TENM2: variants seen among roughly 807,000 people sequenced by gnomAD.
TENM2 encodes teneurin transmembrane protein 2.
In TENM2, 52 loss-of-function variants were observed where a neutral mutation model predicts 245.2. That is an observed-to-expected ratio of 0.21 (90% CI 0.17 to 0.27). The LOEUF is 0.27. TENM2 is among the 10% of genes least tolerant of loss of function. The probability of loss-of-function intolerance (pLI) is 1.00; values close to 1 mark genes in which losing one functional copy is unlikely to be tolerated. For synonymous variants in TENM2, 1,363 were observed against 1,438.9 expected (o/e 0.95, Z 1.19); for missense variants, 3,046 against 3,666.8 (o/e 0.83, Z 4.37).
the TENM2 span, chr5:167,116,826 A>T: frequency 2.0e-5 from 3 of 152,162 alleles, no homozygotes; most frequent in Non-Finnish European, 4.4e-5. Context: ...ACTTTATTGT[A>T]TTGTAATTAA....
chr5:168,067,385 G>A lies in TENM2; in HGVS notation c.1515+5120G>A, dbSNP rs140575651. Among the ~76,000 whole-genome samples the A allele has an allele frequency of 2.9e-3, 441 of 152,216 alleles. 4 individuals carry two copies. Among genetic ancestry groups the A allele is most frequent in the Non-Finnish European group, 3.7e-3 (253 of 68,008 alleles). On this transcript the variant is annotated intron_variant, in intron 7 of 28. Coordinates refer to ENST00000518659, the Ensembl canonical transcript of TENM2. ...GGAACAGTTTAAGAGACCACAAATT[G>A]TCCCATGATCATACCAAATAAATGC... is the stretch of plus-strand genomic sequence containing the variant.
chr5:166,995,190 A>T, the TENM2 span, among the ~76,000 whole-genome samples: 1 of 152,168 alleles, frequency 6.6e-6, no homozygotes, highest in African/African-American at 2.4e-5. Context: ...ATAGAAAAAA[A>T]TGTACCATGT....
chr5:168,253,627 G>T (rs369196691), intron 27 of TENM2, among the ~76,000 whole-genome samples: 206 of 151,838 alleles, frequency 1.4e-3, no homozygotes, highest in African/African-American at 4.9e-3. Flanking sequence ...GGGTTTCACC[G>T]TGTTAGCCAG....
intron 13 of TENM2, chr5:168,186,914 CGAT>C (rs1207021616): frequency 1.3e-5 from 2 of 152,096 alleles, no homozygotes. Flanking sequence ...CATAAAGACG[CGAT>C]TCTCATGACT....
the TENM2 span, among the ~76,000 whole-genome samples, chr5:167,244,537 A>C: frequency 1.3e-5 from 2 of 152,212 alleles, no homozygotes; most frequent in Non-Finnish European, 2.9e-5. Context: ...CTGAAGCAGC[A>C]GGAATATTGT....
At chr5:168,252,842 A>G (rs1192689218) in intron 27 of TENM2, among the ~76,000 whole-genome samples, 1 of 151,400 alleles carries the variant, frequency 6.6e-6, no homozygotes, top group African/African-American at 2.4e-5. Flanking sequence ...AGCGAAACTC[A>G]GTCTCAAAAA....
intron 1 of TENM2, among the ~76,000 whole-genome samples, chr5:167,316,614 TACAC>T (rs1581728414): frequency 1.3e-5 from 2 of 152,186 alleles, no homozygotes; most frequent in African/African-American, 4.8e-5. Context: ...TACAAATATA[TACAC>T]ACACATATCC....
the TENM2 span, among the ~76,000 whole-genome samples, chr5:167,129,843 G>C: frequency 6.6e-6 from 1 of 152,086 alleles, no homozygotes; most frequent in African/African-American, 2.4e-5. Context: ...CCAAAGAGTG[G>C]GATTAGGCTT....
At chr5:167,900,133 AGG>A (rs70976451) in intron 3 of TENM2, among the ~76,000 whole-genome samples, 4,954 of 100,390 alleles carry the variant, frequency 0.049, 479 homozygotes, top group African/African-American at 0.15. Flanking sequence ...AAAAAAAAAA[AGG>A]GGGGGGGGGT....
chr5:167,286,964 T>G (rs1001590607), intron 1 of TENM2, among the ~76,000 whole-genome samples: 1 of 152,252 alleles, frequency 6.6e-6, no homozygotes, highest in Non-Finnish European at 1.5e-5. Context: ...AATTAACAAT[T>G]CACACATGCC....
At chr5:167,230,594 G>T in the TENM2 span, among the ~76,000 whole-genome samples, 3 of 152,042 alleles carry the variant, frequency 2.0e-5, no homozygotes, top group African/African-American at 4.8e-5. Context: ...ATCATCAGTA[G>T]ATACATTTTA....
At chr5:168,204,096 G>A (rs1207732783) in intron 18 of TENM2, among the ~76,000 whole-genome samples, 2 of 151,666 alleles carry the variant, frequency 1.3e-5, no homozygotes, top group Non-Finnish European at 2.9e-5. Flanking sequence ...CTGCAACCTC[G>A]ACTTCCCGGG....
intron 3 of TENM2, among the ~76,000 whole-genome samples, chr5:167,942,320 A>G (rs956576798): frequency 2.6e-5 from 4 of 152,210 alleles, no homozygotes; most frequent in African/African-American, 7.2e-5. Flanking sequence ...TAAACGTAGT[A>G]TCTCATTTAA....
chr5:168,138,329 A>C (rs1302318530), intron 12 of TENM2, among the ~76,000 whole-genome samples: 3 of 152,252 alleles, frequency 2.0e-5, no homozygotes, highest in Non-Finnish European at 4.4e-5. Context: ...TCACTGATGG[A>C]GAGCACTTAA....
chr5:168,173,499 CT>C (rs1249415839), intron 13 of TENM2, among the ~76,000 whole-genome samples: 2 of 152,130 alleles, frequency 1.3e-5, no homozygotes, highest in African/African-American at 4.8e-5. Context: ...CTTTCGCCCC[CT>C]CAGCCCCTCA....
At chr5:167,144,204 C>T in the TENM2 span, among the ~76,000 whole-genome samples, 2 of 151,892 alleles carry the variant, frequency 1.3e-5, no homozygotes, top group South Asian at 4.2e-4. Context: ...GTGGTGGGAG[C>T]GGTTCGCATT....
At chr5:168,033,852 C>T (rs1043526057) in intron 5 of TENM2, among the ~76,000 whole-genome samples, 1 of 151,734 alleles carries the variant, frequency 6.6e-6, no homozygotes, top group East Asian at 1.9e-4. Context: ...CATGGTGAAA[C>T]CCCGTCTCTA....
At chr5:167,790,969 C>T (rs1764913589) in intron 2 of TENM2, among the ~76,000 whole-genome samples, 1 of 152,100 alleles carries the variant, frequency 6.6e-6, no homozygotes, top group Admixed American at 6.6e-5. Context: ...AATATTTTTG[C>T]CTTTCATTTT....
At chr5:167,232,290 C>T in the TENM2 span, among the ~76,000 whole-genome samples, 1 of 152,146 alleles carries the variant, frequency 6.6e-6, no homozygotes, top group South Asian at 2.1e-4. Flanking sequence ...ACAGCTTGCA[C>T]TGTGCACCTG....
Sources: gnomAD v4.1 joint callset for allele counts (sites outside exome capture counted in the v4.1 genomes callset) on GRCh38, gnomAD v4.1.1 for gene constraint, MANE v1.5 for transcripts, NCBI Gene and HGNC (gene_info 2026-07-23, HGNC 2026-07-21) for gene names.